MALRD1: variants seen among roughly 807,000 people sequenced by gnomAD.
MALRD1 encodes MAM and LDL receptor class A domain containing 1.
MALRD1 carries 247 observed loss-of-function variants against 242.1 expected under a neutral mutation model. The observed-to-expected ratio is 1.02, with a 90% CI of 0.92 to 1.13. MALRD1 has a LOEUF of 1.13. Among genes scored for constraint, MALRD1 ranks in the 50% most tolerant of loss-of-function variants. The pLI is 0.00. For missense variants in MALRD1, 2,989 were observed against 2,533.1 expected (o/e 1.18, Z -3.86); for synonymous variants, 995 against 866.6 (o/e 1.15, Z -2.60).
At chr10:19,679,789 A>G (rs1050260062) in intron 36 of MALRD1, among the ~76,000 whole-genome samples, 2 of 152,064 alleles carry the variant, frequency 1.3e-5, no homozygotes, top group Non-Finnish European at 2.9e-5. Context: ...GTGGGGATTT[A>G]GTGCTACAAA....
intron 33 of MALRD1, among the ~76,000 whole-genome samples, chr10:19,572,535 A>G (rs893658395): frequency 6.6e-6 from 1 of 152,212 alleles, no homozygotes; most frequent in African/African-American, 2.4e-5. Flanking sequence ...AGATTGCACC[A>G]TAGCTAGGAA....
intron 29 of MALRD1, among the ~76,000 whole-genome samples, chr10:19,451,043 C>T (rs987402709): frequency 2.6e-5 from 4 of 152,152 alleles, no homozygotes; most frequent in Non-Finnish European, 5.9e-5. Flanking sequence ...CAGACCATAG[C>T]GATATCTTCT....
At chr10:19,500,123 C>T (rs1183810345) in intron 31 of MALRD1, among the ~76,000 whole-genome samples, 2 of 152,280 alleles carry the variant, frequency 1.3e-5, no homozygotes. Flanking sequence ...ATGCTGGCTT[C>T]ATAGAATGAG....
At chr10:19,163,554 A>C (rs2358343) in intron 12 of MALRD1, among the ~76,000 whole-genome samples, 1 of 151,704 alleles carries the variant, frequency 6.6e-6, no homozygotes, top group Non-Finnish European at 1.5e-5. Context: ...ATTGGGTACA[A>C]TGCTTAGTGC....
At chr10:19,620,573 T>A (rs573364820) in intron 36 of MALRD1, among the ~76,000 whole-genome samples, 1 of 146,984 alleles carries the variant, frequency 6.8e-6, no homozygotes, top group South Asian at 2.1e-4. Context: ...CTGAAAAACA[T>A]TAATTTTGAC....
Position 19,373,203 on chromosome 10 carries a change from C to CAAAAAAAAAA in MALRD1, c.4442-14317_4442-14308dup, listed in dbSNP as rs374095193. On this transcript the variant is annotated intron_variant, in intron 26 of 39. Transcript: ENST00000454679. The stretch of plus-strand genomic sequence containing the variant: ...CTTGCATTTCAGCAAACGCTAAATA[C>CAAAAAAAAAA]AAAAAAAAAAAAAAAAATAAGGGGC... Among the ~76,000 whole-genome samples, 106 of 114,820 alleles carry CAAAAAAAAAA rather than the reference C, an allele frequency of 9.2e-4. 3 individuals carry two copies. Among genetic ancestry groups the CAAAAAAAAAA allele is most frequent in the African/African-American group, 1.8e-3 (53 of 29,208 alleles). 75.3% of individuals were successfully genotyped at this position (114,820 alleles called of 152,430 possible).
In MALRD1 at chr10:19,223,967, G is replaced by C. The variant is rs545321096; in HGVS notation, c.2991+14287G>C. ...CTATCATTGATGGGCATTTGGGTTGGTTCCTAGTCTTTTCTATTGTGAATA... is the reference window on the plus strand; with the variant it reads ...CTATCATTGATGGGCATTTGGGTTGCTTCCTAGTCTTTTCTATTGTGAATA... On this transcript the variant is annotated intron_variant, in intron 18 of 39. Coordinates refer to ENST00000454679, the MANE Select transcript of MALRD1 (RefSeq NM_001142308.3). Among the ~76,000 whole-genome samples, 3 of 152,278 alleles carry C rather than the reference G, an allele frequency of 2.0e-5. No homozygotes were observed. The South Asian group carries it at 6.2e-4, about 32-fold the overall frequency.
intron 5 of MALRD1, among the ~76,000 whole-genome samples, chr10:19,110,104 C>T (rs1836623682): frequency 6.6e-6 from 1 of 152,160 alleles, no homozygotes; most frequent in Admixed American, 6.5e-5. Context: ...CCCTGCAACA[C>T]TCTGGTGCTT....
chr10:19,722,168 G>T (rs1313622532), intron 38 of MALRD1: 1 of 152,208 alleles, frequency 6.6e-6, no homozygotes, highest in Non-Finnish European at 1.5e-5. Flanking sequence ...AACCAGACAT[G>T]TTCCTTATCC....
At chr10:19,384,393 A>G (rs1845975730) in intron 26 of MALRD1, among the ~76,000 whole-genome samples, 1 of 84,366 alleles carries the variant, frequency 1.2e-5, no homozygotes, top group African/African-American at 4.7e-5. Context: ...ACTATATATT[A>G]TATATTATAT....
chr10:19,531,243 A>G lies in MALRD1; in HGVS notation c.5370A>G (p.Gly1790=), dbSNP rs1407809743. 5.2e-6 allele frequency: 8 copies of G among 1,550,354 alleles called. No individual in the cohort carries two copies. In the African/African-American group the frequency reaches 6.8e-5, roughly 13 times the overall value. The change falls in exon 32 of 40, where the codon GGA becomes GGG. Residue 1790 remains glycine (G), a synonymous_variant. Transcript: ENST00000454679. ...LYVNSSGSKE[G]SVARITTSKS... is the part of the protein sequence containing the mutation. ...TCAACTCATCTGGCTCCAAGGAAGG[A>G]TCCGTTGCCAGAATTACTACTTCCA...
intron 31 of MALRD1, among the ~76,000 whole-genome samples, chr10:19,529,034 C>T (rs76260906): frequency 0.019 from 2,878 of 152,286 alleles, 44 homozygotes; most frequent in East Asian, 0.044. Flanking sequence ...CATGAGGACC[C>T]AGCCCTTGGC....
At chr10:19,559,469 A>G (rs1835868423) in intron 32 of MALRD1, among the ~76,000 whole-genome samples, 1 of 152,026 alleles carries the variant, frequency 6.6e-6, no homozygotes, top group Non-Finnish European at 1.5e-5. Flanking sequence ...GATTAAGCAT[A>G]TTTTATTTTT....
intron 4 of MALRD1, among the ~76,000 whole-genome samples, chr10:19,088,569 TTTTA>T (rs1190261906): frequency 1.6e-4 from 14 of 90,178 alleles, no homozygotes; most frequent in East Asian, 3.0e-4. Flanking sequence ...TAAAGTTTTT[TTTTA>T]TTTATTTATT....
chr10:19,497,418 A>T (rs909978076), intron 30 of MALRD1, among the ~76,000 whole-genome samples: 2 of 151,870 alleles, frequency 1.3e-5, no homozygotes, highest in African/African-American at 4.9e-5. Context: ...AGGAATGTAC[A>T]TGAATACAAG....
At chr10:19,497,705 C>A (rs1564391927) in intron 30 of MALRD1, among the ~76,000 whole-genome samples, 4 of 152,060 alleles carry the variant, frequency 2.6e-5, no homozygotes, top group Non-Finnish European at 5.9e-5. Context: ...CAATGACAAT[C>A]TCAATTGATT....
chr10:19,120,891 G>C (rs554961774), intron 5 of MALRD1, among the ~76,000 whole-genome samples: 2 of 152,162 alleles, frequency 1.3e-5, no homozygotes, highest in East Asian at 3.9e-4. Context: ...CTACAGGCAT[G>C]CAACACCACA....
intron 32 of MALRD1, among the ~76,000 whole-genome samples, chr10:19,556,586 G>A (rs1835728486): frequency 1.3e-5 from 2 of 151,994 alleles, no homozygotes; most frequent in Admixed American, 1.3e-4. Flanking sequence ...GTCTTTTCAT[G>A]GCTTGATACC....
chr10:19,719,207 TATATACAC>T (rs1213249169), intron 38 of MALRD1, among the ~76,000 whole-genome samples: 2 of 67,376 alleles, frequency 3.0e-5, no homozygotes, highest in African/African-American at 8.1e-5. Flanking sequence ...TATATATATA[TATATACAC>T]ATACATACAT....
Sources: allele counts gnomAD v4.1 joint callset (sites outside exome capture counted in the v4.1 genomes callset), GRCh38; gene constraint gnomAD v4.1.1; transcripts MANE v1.5; gene names NCBI Gene and HGNC (gene_info 2026-07-23, HGNC 2026-07-21).